Variants in PPM1E observed in about 807,000 individuals in gnomAD.
PPM1E encodes the protein protein phosphatase, Mg2+/Mn2+ dependent 1E, also known as protein phosphatase 1E.
Under a neutral mutation model 65.9 loss-of-function variants are expected in PPM1E, and 20 were observed. The ratio of observed to expected loss-of-function variants is 0.30; its 90% CI spans 0.21 to 0.44. The LOEUF (loss-of-function observed/expected upper bound fraction) is 0.44, where lower values mean the gene tolerates loss of function less well. PPM1E is among the 20% of genes least tolerant of loss of function. The pLI, the probability that PPM1E is intolerant of heterozygous loss-of-function variation, is 1.00. For synonymous variants in PPM1E, 352 were observed against 374.9 expected, an observed-to-expected ratio of 0.94 and a Z score of 0.70; for missense variants, 713 against 953.1, an observed-to-expected ratio of 0.75 and a Z score of 3.32.
chr17:58,942,183 C>A (rs1041935152), intron 1 of PPM1E, among the ~76,000 whole-genome samples: 1 of 151,808 alleles, frequency 6.6e-6, no homozygotes, highest in Non-Finnish European at 1.5e-5. Context: ...AGTAGGAGTT[C>A]GAGACTAGCC....
At chr17:58,977,325 C>G (rs935019665) in intron 6 of PPM1E, among the ~76,000 whole-genome samples, 2 of 151,810 alleles carry the variant, frequency 1.3e-5, no homozygotes, top group African/African-American at 4.8e-5. Context: ...TGCCTGTAAT[C>G]CCAGCTACTT....
At chr17:58,851,561 G>T (rs1458341564) in intron 1 of PPM1E, among the ~76,000 whole-genome samples, 2 of 152,194 alleles carry the variant, frequency 1.3e-5, no homozygotes, top group Non-Finnish European at 2.9e-5. Context: ...GACACTGTTT[G>T]CCTGGGTATC....
At chr17:58,893,090 C>T (rs940032784) in intron 1 of PPM1E, among the ~76,000 whole-genome samples, 5 of 152,180 alleles carry the variant, frequency 3.3e-5, no homozygotes, top group Non-Finnish European at 5.9e-5. Context: ...TATGATCCAG[C>T]AATCATATTC....
chr17:58,812,953 C>T (rs949046627), intron 1 of PPM1E, among the ~76,000 whole-genome samples: 1 of 152,162 alleles, frequency 6.6e-6, no homozygotes, highest in African/African-American at 2.4e-5. Flanking sequence ...GAATATTATT[C>T]TTCCTCCCTT....
At chr17:58,965,381 A>T (rs982670206) in intron 2 of PPM1E, among the ~76,000 whole-genome samples, 24 of 152,084 alleles carry the variant, frequency 1.6e-4, no homozygotes, top group African/African-American at 5.8e-4. Context: ...GGTGCTGGGA[A>T]CTAGGGAGCA....
intron 1 of PPM1E, among the ~76,000 whole-genome samples, chr17:58,833,916 A>C (rs2050629043): frequency 6.6e-6 from 1 of 152,108 alleles, no homozygotes; most frequent in Admixed American, 6.6e-5. Context: ...TTGACTTTAT[A>C]ATAATAGCCA....
chr17:58,780,809 G>A (rs1467629400), intron 1 of PPM1E, among the ~76,000 whole-genome samples: 1 of 152,048 alleles, frequency 6.6e-6, no homozygotes, highest in African/African-American at 2.4e-5. Flanking sequence ...GGGTCTAACT[G>A]ACCTTGCCTA....
intron 1 of PPM1E, among the ~76,000 whole-genome samples, chr17:58,810,729 C>T (rs1167542078): frequency 2.0e-5 from 3 of 152,162 alleles, no homozygotes; most frequent in African/African-American, 7.2e-5. Context: ...ATTTCTTCTG[C>T]ATCTAATAGT....
intron 1 of PPM1E, among the ~76,000 whole-genome samples, chr17:58,898,824 C>T (rs2143460202): frequency 6.6e-6 from 1 of 152,246 alleles, no homozygotes; most frequent in East Asian, 1.9e-4. Context: ...GAATACTGTG[C>T]AGCCATAAAA....
At chr17:58,766,458 C>T (rs2144157814) in intron 1 of PPM1E, among the ~76,000 whole-genome samples, 1 of 151,968 alleles carries the variant, frequency 6.6e-6, no homozygotes, top group African/African-American at 2.4e-5. Flanking sequence ...CCTCAGCCTC[C>T]CAAAGTGCTG....
At chr17:58,804,140 C>A (rs2050283909) in intron 1 of PPM1E, among the ~76,000 whole-genome samples, 1 of 152,024 alleles carries the variant, frequency 6.6e-6, no homozygotes, top group Admixed American at 6.6e-5. Context: ...GTTGCCCAGG[C>A]TGGTCATGAA....
chr17:58,763,275 A>C (rs564185603), intron 1 of PPM1E, among the ~76,000 whole-genome samples: 1 of 152,108 alleles, frequency 6.6e-6, no homozygotes, highest in South Asian at 2.1e-4. Context: ...GTGGTTTCCA[A>C]CGTTGCTCTA....
At chr17:58,913,873 C>G (rs1258408776) in intron 1 of PPM1E, among the ~76,000 whole-genome samples, 2 of 152,190 alleles carry the variant, frequency 1.3e-5, no homozygotes, top group African/African-American at 4.8e-5. Context: ...GGTTACAAAT[C>G]TTGTGACCTC....
chr17:58,774,043 T>C (rs553773415), intron 1 of PPM1E, among the ~76,000 whole-genome samples: 3 of 151,822 alleles, frequency 2.0e-5, no homozygotes, highest in Non-Finnish European at 4.4e-5. Context: ...ACGCCTGTAA[T>C]CCCAGCTACT....
intron 2 of PPM1E, among the ~76,000 whole-genome samples, chr17:58,963,281 G>C (rs980137228): frequency 8.6e-5 from 13 of 151,692 alleles, no homozygotes; most frequent in African/African-American, 3.2e-4. Flanking sequence ...CAGCTACTCG[G>C]GAGGCTGAGG....
At chr17:58,889,252 T>A (rs1226283635) in intron 1 of PPM1E, among the ~76,000 whole-genome samples, 1 of 152,182 alleles carries the variant, frequency 6.6e-6, no homozygotes, top group Non-Finnish European at 1.5e-5. Flanking sequence ...TTCATTGGAA[T>A]CACTTTCAGA....
chr17:58,788,860 A>G (rs1012302521), intron 1 of PPM1E, among the ~76,000 whole-genome samples: 3 of 152,184 alleles, frequency 2.0e-5, no homozygotes, highest in African/African-American at 7.2e-5. Flanking sequence ...CTGATCAACT[A>G]AAGAGTTAAA....
At chr17:58,840,660 G>C (rs1385514490) in intron 1 of PPM1E, among the ~76,000 whole-genome samples, 1 of 151,882 alleles carries the variant, frequency 6.6e-6, no homozygotes, top group African/African-American at 2.4e-5. Flanking sequence ...CACTGTGAGA[G>C]GTATGTAAAA....
intron 1 of PPM1E, among the ~76,000 whole-genome samples, chr17:58,878,147 A>G (rs375056476): frequency 3.7e-4 from 56 of 152,366 alleles, no homozygotes; most frequent in African/African-American, 1.2e-3. Flanking sequence ...ATAAATGTCA[A>G]GTAAGCCATT....
Sources: allele counts gnomAD v4.1 joint callset (sites outside exome capture counted in the v4.1 genomes callset), GRCh38; gene constraint gnomAD v4.1.1; transcripts MANE v1.5; gene names NCBI Gene and HGNC (gene_info 2026-07-23, HGNC 2026-07-21).